The following AFG1L variants were observed in gnomAD, a reference collection of about 807,000 sequenced individuals.
The protein encoded by AFG1L is AFG1 like ATPase.
AFG1L carries 53 observed loss-of-function variants against 62.2 expected under a neutral mutation model. The ratio of observed to expected loss-of-function variants is 0.85; its 90% CI spans 0.68 to 1.07. The LOEUF is 1.07. Ranked by LOEUF, AFG1L falls within the 50% of genes least tolerant of loss-of-function variation. The probability of loss-of-function intolerance (pLI) is 0.00; values close to 1 mark genes in which losing one functional copy is unlikely to be tolerated. For synonymous variants in AFG1L, 228 were observed against 210.3 expected, an observed-to-expected ratio of 1.08 and a Z score of -0.73; for missense variants, 555 against 590.5, an observed-to-expected ratio of 0.94 and a Z score of 0.62.
At chr6:108,384,944 C>T (rs969192064) in intron 6 of AFG1L, among the ~76,000 whole-genome samples, 4 of 152,064 alleles carry the variant, frequency 2.6e-5, no homozygotes, top group African/African-American at 7.2e-5. Context: ...AGGAACTGTG[C>T]AAGCTTCTAA....
chr6:108,416,547 G>A (rs1028790117), intron 7 of AFG1L, among the ~76,000 whole-genome samples: 6 of 152,166 alleles, frequency 3.9e-5, no homozygotes, highest in African/African-American at 1.2e-4. Context: ...ATGATAGACC[G>A]GATTAAGAAA....
intron 6 of AFG1L, among the ~76,000 whole-genome samples, chr6:108,378,172 T>C (rs796538471): frequency 6.6e-6 from 1 of 151,986 alleles, no homozygotes; most frequent in Non-Finnish European, 1.5e-5. Flanking sequence ...TTTTTAATTC[T>C]AGAGGCTCTG....
intron 8 of AFG1L, 67 bp from the exon 9 acceptor site, chr6:108,476,798 C>A: frequency 8.8e-7 from 1 of 1,138,334 alleles, no homozygotes; most frequent in Non-Finnish European, 1.3e-6. Flanking sequence ...TAAGCAGTCT[C>A]AGGCAGCTGT....
intron 7 of AFG1L, among the ~76,000 whole-genome samples, chr6:108,433,341 G>A (rs919948624): frequency 2.6e-5 from 4 of 151,818 alleles, no homozygotes; most frequent in Non-Finnish European, 5.9e-5. Flanking sequence ...GTGCAGTGGC[G>A]CGACTTCAGC....
At chr6:108,373,441 A>T (rs766846445) in intron 6 of AFG1L, among the ~76,000 whole-genome samples, 1 of 152,076 alleles carries the variant, frequency 6.6e-6, no homozygotes, top group Non-Finnish European at 1.5e-5. Context: ...GTCGTCATTA[A>T]TGGGTACCTG....
intron 11 of AFG1L, among the ~76,000 whole-genome samples, chr6:108,511,650 ATAT>A (rs1774656980): frequency 1.3e-5 from 2 of 152,222 alleles, no homozygotes; most frequent in African/African-American, 4.8e-5. Context: ...GTTAATTTAA[ATAT>A]TATTTTACCA....
chr6:108,421,718 G>A (rs1582561761), intron 7 of AFG1L, among the ~76,000 whole-genome samples: 1 of 151,984 alleles, frequency 6.6e-6, no homozygotes. Context: ...ATGAGGTAGC[G>A]GACCTCATCA....
At chr6:108,492,434 T>C (rs965462084) in intron 10 of AFG1L, among the ~76,000 whole-genome samples, 4 of 152,230 alleles carry the variant, frequency 2.6e-5, no homozygotes, top group Non-Finnish European at 5.9e-5. Flanking sequence ...TACTTCATCA[T>C]TATTATATAC....
At chr6:108,313,731 G>T (rs1376906158) in intron 1 of AFG1L, among the ~76,000 whole-genome samples, 1 of 151,962 alleles carries the variant, frequency 6.6e-6, no homozygotes, top group Non-Finnish European at 1.5e-5. Context: ...GTAGAGACGG[G>T]GTTTCACCAT....
intron 1 of AFG1L, among the ~76,000 whole-genome samples, chr6:108,298,993 G>T (rs1582548464): frequency 6.6e-6 from 1 of 152,194 alleles, no homozygotes; most frequent in Non-Finnish European, 1.5e-5. Flanking sequence ...AGGCACAGTG[G>T]CTCATGCCTG....
intron 5 of AFG1L, among the ~76,000 whole-genome samples, chr6:108,358,432 A>G (rs1450492297): frequency 6.6e-6 from 1 of 152,252 alleles, no homozygotes; most frequent in Non-Finnish European, 1.5e-5. Flanking sequence ...TGAGAAATCT[A>G]AAGGCATTAG....
At chr6:108,468,943 A>G (rs1036396567) in intron 8 of AFG1L, among the ~76,000 whole-genome samples, 2 of 151,962 alleles carry the variant, frequency 1.3e-5, no homozygotes, top group African/African-American at 2.4e-5. Context: ...CTCTCCAAGC[A>G]TATTATAGTG....
At chr6:108,463,932 G>A (rs149154422) in intron 8 of AFG1L, among the ~76,000 whole-genome samples, 149 of 152,316 alleles carry the variant, frequency 9.8e-4, no homozygotes, top group Middle Eastern at 3.4e-3. Flanking sequence ...AGGACAAAGA[G>A]CTGTACAGCA....
chr6:108,476,880 T>A lies in AFG1L; in HGVS notation c.906T>A (p.Asp302Glu). Residue 302 changes from aspartate (D) to glutamate (E), a missense_variant, in exon 9 of 13, where the codon GAT becomes GAA. Coordinates refer to ENST00000368977, the MANE Select transcript of AFG1L (RefSeq NM_145315.5). ...GKLYYLTSEA[D>E]VEAVMDKLFD... is the part of the protein sequence containing the mutation. ...TTCACTGTAGCACAAGTGAAGCTGA[T>A]GTGGAGGCTGTCATGGATAAGTTGT... 1 of 1,613,496 alleles carries A rather than the reference T, an allele frequency of 6.2e-7. No homozygotes were observed. The highest frequency in any genetic ancestry group is 8.5e-7 in the Non-Finnish European group (1 of 1,179,416).
chr6:108,310,805 G>T (rs1777376180), intron 1 of AFG1L, among the ~76,000 whole-genome samples: 1 of 151,988 alleles, frequency 6.6e-6, no homozygotes, highest in African/African-American at 2.4e-5. Flanking sequence ...AAACTCCTCG[G>T]CTCTGAAGCA....
intron 8 of AFG1L, among the ~76,000 whole-genome samples, chr6:108,448,316 C>T (rs1036582686): frequency 6.6e-6 from 1 of 152,034 alleles, no homozygotes; most frequent in South Asian, 2.1e-4. Flanking sequence ...ACTTTTTCTT[C>T]CCAGTTTCTT....
At chr6:108,405,309 A>C (rs1781801777) in intron 7 of AFG1L, among the ~76,000 whole-genome samples, 2 of 152,118 alleles carry the variant, frequency 1.3e-5, no homozygotes, top group South Asian at 4.1e-4. Flanking sequence ...GTTTTAACCA[A>C]ATTTTTTATT....
At chr6:108,487,760 A>C (rs1238290998) in intron 10 of AFG1L, among the ~76,000 whole-genome samples, 3 of 152,200 alleles carry the variant, frequency 2.0e-5, no homozygotes. Flanking sequence ...TTTCAACCAT[A>C]ATCAGAAGCC....
At chr6:108,404,388 C>G (rs1562137961) in intron 7 of AFG1L, among the ~76,000 whole-genome samples, 1 of 152,062 alleles carries the variant, frequency 6.6e-6, no homozygotes, top group Non-Finnish European at 1.5e-5. Flanking sequence ...TGGTTTGTTG[C>G]TTGGGATATT....
Sources: allele counts gnomAD v4.1 joint callset (sites outside exome capture counted in the v4.1 genomes callset), GRCh38; gene constraint gnomAD v4.1.1; transcripts MANE v1.5; gene names NCBI Gene and HGNC (gene_info 2026-07-23, HGNC 2026-07-21).